TANK: variants seen among roughly 807,000 people sequenced by gnomAD.
TANK encodes the protein TRAF family member-associated NF-kappa-B activator.
TANK carries 15 observed loss-of-function variants against 43.6 expected under a neutral mutation model. That is an observed-to-expected ratio of 0.34 (90% CI 0.23 to 0.53). The LOEUF is 0.53. Ranked by LOEUF, TANK falls within the 20% of genes least tolerant of loss-of-function variation. The pLI, the probability that TANK is intolerant of heterozygous loss-of-function variation, is 0.94. For synonymous variants in TANK, 162 were observed against 178.2 expected, an observed-to-expected ratio of 0.91 and a Z score of 0.73; for missense variants, 417 against 498.6, an observed-to-expected ratio of 0.84 and a Z score of 1.56.
At position 161,172,374 on chromosome 2, in the gene TANK, T is replaced by TGG. The variant is rs35094541; in HGVS notation, c.-49-7236_-49-7235dup. Among the ~76,000 whole-genome samples the TGG allele has an allele frequency of 3.0e-5, 4 of 131,290 alleles. No homozygotes were observed. In the East Asian group the frequency reaches 6.6e-4, roughly 22 times the overall value. 86.1% of individuals were successfully genotyped at this position (131,290 alleles called of 152,430 possible). On this transcript the variant is annotated intron_variant, in intron 1 of 7. Transcript: ENST00000392749. ...TTTCGGCTTTTTTTTTTTTTTTTTTTGGGGGTAAAACGATTTTGGCCTAAT... is the reference window on the plus strand; with the variant it reads ...TTTCGGCTTTTTTTTTTTTTTTTTTTGGGGGGGTAAAACGATTTTGGCCTAAT...
chr2:161,177,473 A>G (rs1031122125), intron 1 of TANK, among the ~76,000 whole-genome samples: 5 of 152,112 alleles, frequency 3.3e-5, no homozygotes, highest in South Asian at 2.1e-4. Context: ...TGCCAGGACA[A>G]TTGGCTAACC....
chr2:161,165,312 GA>G (rs1301803547), intron 1 of TANK, among the ~76,000 whole-genome samples: 1 of 152,144 alleles, frequency 6.6e-6, no homozygotes, highest in Non-Finnish European at 1.5e-5. Flanking sequence ...ATAAGGGACA[GA>G]AGTTAGAGAC....
At chr2:161,212,310 C>T (rs1686930469) in intron 4 of TANK, 2 of 891,404 alleles carry the variant, frequency 2.2e-6, no homozygotes, top group African/African-American at 1.8e-5. Flanking sequence ...ATCCACCTGC[C>T]TCGGCCTCCC....
chr2:161,232,895 A>C (rs913631545), intron 7 of TANK: 1 of 1,500,746 alleles, frequency 6.7e-7, no homozygotes, highest in African/African-American at 1.4e-5. Context: ...CATGGGGCAT[A>C]AGGTTAGATA....
chr2:161,218,877 C>G (rs1256994764), intron 4 of TANK, among the ~76,000 whole-genome samples: 1 of 152,150 alleles, frequency 6.6e-6, no homozygotes, highest in Non-Finnish European at 1.5e-5. Flanking sequence ...TCCTCCCTCT[C>G]AGCCTCCCTA....
At chr2:161,186,039 A>G (rs1046060266) in intron 2 of TANK, among the ~76,000 whole-genome samples, 12 of 152,166 alleles carry the variant, frequency 7.9e-5, no homozygotes, top group Admixed American at 7.9e-4. Context: ...ACATGGTGGT[A>G]TGTGCCTGTA....
chr2:161,235,184 A>T (rs1688120536), intron 7 of TANK, among the ~76,000 whole-genome samples, 158 bp from the exon 8 acceptor site: 1 of 152,226 alleles, frequency 6.6e-6, no homozygotes. Context: ...CCACGAATTG[A>T]GTCATGTCAT....
At chr2:161,176,143 A>G (rs1324715859) in intron 1 of TANK, among the ~76,000 whole-genome samples, 1 of 152,170 alleles carries the variant, frequency 6.6e-6, no homozygotes, top group Non-Finnish European at 1.5e-5. Context: ...GGAGTCTGGC[A>G]AATATTGTGG....
chr2:161,161,456 T>A (rs1684431639), intron 1 of TANK: 1 of 1,548,300 alleles, frequency 6.5e-7, no homozygotes, highest in African/African-American at 1.4e-5. Flanking sequence ...AATTATTGTG[T>A]CCTCATTTGA....
rs959367822 is a variant in TANK, at chr2:161,207,508, A to G, written c.327+2715A>G. ...ATCTCTAGCCAAAGTGCTAATGAGC[A>G]CTAAACGTATAAGGGATTAAAGAAA... On this transcript the variant is annotated intron_variant, in intron 4 of 7. Transcript: ENST00000392749. 5.1e-6 allele frequency: 5 copies of G among 984,564 alleles called. No homozygotes were observed. In the African/African-American group the frequency reaches 8.7e-5, roughly 17 times the overall value. The allele number at this position is 984,564 out of a possible 1,614,324, so 61.0% of individuals were successfully genotyped here. A position where few individuals can be genotyped will look rare whatever the true frequency, so the allele number is the denominator to read the frequency against.
chr2:161,149,477 T>C (rs1156385175), intron 1 of TANK, among the ~76,000 whole-genome samples: 1 of 152,198 alleles, frequency 6.6e-6, no homozygotes, highest in Non-Finnish European at 1.5e-5. Context: ...GGCTTTTATT[T>C]CTTTTTCTTG....
At chr2:161,174,460 A>G (rs1685091746) in intron 1 of TANK, among the ~76,000 whole-genome samples, 1 of 152,198 alleles carries the variant, frequency 6.6e-6, no homozygotes, top group African/African-American at 2.4e-5. Flanking sequence ...TGCCCTAGCA[A>G]CTGGTTTGCA....
chr2:161,197,994 C>T (rs1686231813), intron 2 of TANK, among the ~76,000 whole-genome samples: 2 of 152,168 alleles, frequency 1.3e-5, no homozygotes, highest in African/African-American at 4.8e-5. Flanking sequence ...AAAGACTTAC[C>T]TTGTTCCAGC....
In TANK at chr2:161,223,953, T is replaced by G. The variant is rs1687480165; in HGVS notation, c.366T>G (p.Thr122=). 1.2e-6 allele frequency: 2 copies of G among 1,602,806 alleles called. No individual in the cohort carries two copies. Among genetic ancestry groups the G allele is most frequent in the East Asian group, 4.5e-5 (2 of 44,592 alleles). ...AGGTTTCTTCTCCTAGAAAAGAAACTTCAGCAAGGAGTCTTGGCAGTCCTT... is the reference window on the plus strand; with the variant it reads ...AGGTTTCTTCTCCTAGAAAAGAAACGTCAGCAAGGAGTCTTGGCAGTCCTT... ...RQEVSSPRKE[T]SARSLGSPLL... is the part of the protein sequence containing the mutation. Residue 122 remains threonine, a synonymous_variant, in exon 5 of 8, where the codon ACT becomes ACG. Transcript: ENST00000392749.
chr2:161,145,754 A>G (rs1344886777), intron 1 of TANK, among the ~76,000 whole-genome samples: 3 of 151,830 alleles, frequency 2.0e-5, no homozygotes, highest in South Asian at 2.1e-4. Context: ...TGCCCTTAAC[A>G]TTTTTTCCTT....
intron 1 of TANK, among the ~76,000 whole-genome samples, chr2:161,175,228 A>G (rs1164790487): frequency 6.6e-6 from 1 of 152,150 alleles, no homozygotes; most frequent in Non-Finnish European, 1.5e-5. Context: ...GGCACTAAAT[A>G]TTTTATCAAA....
upstream of TANK, chr2:161,156,209 T>A (rs947740703): frequency 8.1e-6 from 8 of 985,442 alleles, no homozygotes; most frequent in Non-Finnish European, 8.4e-6. Context: ...ATTTGTACTT[T>A]CCAGTCATAT....
intron 1 of TANK, among the ~76,000 whole-genome samples, chr2:161,176,955 G>T (rs1258994757): frequency 6.6e-6 from 1 of 152,122 alleles, no homozygotes; most frequent in Non-Finnish European, 1.5e-5. Context: ...TATAGTCCCT[G>T]TGACTACCTA....
chr2:161,196,144 A>G (rs1003430527), intron 2 of TANK, among the ~76,000 whole-genome samples: 2 of 152,160 alleles, frequency 1.3e-5, no homozygotes, highest in African/African-American at 4.8e-5. Flanking sequence ...CTGTACAACA[A>G]ATAGATGTCA....
Sources: gnomAD v4.1 joint callset for allele counts (sites outside exome capture counted in the v4.1 genomes callset) on GRCh38, gnomAD v4.1.1 for gene constraint, MANE v1.5 for transcripts, NCBI Gene and HGNC (gene_info 2026-07-23, HGNC 2026-07-21) for gene names.